Variants in PRRX2 observed in about 807,000 individuals in gnomAD.
The protein encoded by PRRX2 is paired mesoderm homeobox protein 2.
PRRX2 carries 11 observed loss-of-function variants against 18.0 expected under a neutral mutation model. That is an observed-to-expected ratio of 0.61 (90% CI 0.39 to 1.01). The LOEUF is 1.01. Among genes scored for constraint, PRRX2 ranks in the 50% least tolerant of loss-of-function variants. PRRX2 has a pLI of 0.01. For synonymous variants in PRRX2, 177 were observed against 154.8 expected (o/e 1.14, Z -1.06); for missense variants, 387 against 351.0 (o/e 1.10, Z -0.82).
chr9:129,686,636 T>G (rs553736192), intron 1 of PRRX2, among the ~76,000 whole-genome samples: 51 of 152,252 alleles, frequency 3.3e-4, no homozygotes, highest in African/African-American at 1.2e-3. Flanking sequence ...CTCAGCCTCC[T>G]AAAGCACTGG....
At chr9:129,666,181 C>T (rs1832019286) in intron 1 of PRRX2, 55 bp downstream of exon 1, 6 of 868,778 alleles carry the variant, frequency 6.9e-6, no homozygotes, top group Non-Finnish European at 8.3e-6. Flanking sequence ...GGGCCGGGGC[C>T]GGGGCGCGGG....
chr9:129,720,698 A>G lies in PRRX2; in HGVS notation c.550A>G (p.Ile184Val), dbSNP rs765923715. Residue 184 changes from isoleucine to valine, a missense_variant, in exon 3 of 4, where the codon ATC (isoleucine) becomes GTC (valine). Transcript: ENST00000372469. ...LLKSYSQEAA[I>V]EQPVAPRPTA... Reference sequence around the variant, plus strand: ...CAAGTCCTACAGCCAGGAGGCCGCCATCGAGCAGCCCGTGGCTCCCCGGCC... The same window carrying G: ...CAAGTCCTACAGCCAGGAGGCCGCCGTCGAGCAGCCCGTGGCTCCCCGGCC... 2.5e-6 allele frequency: 4 copies of G among 1,613,276 alleles called. No homozygotes were observed. Among genetic ancestry groups the G allele is most frequent in the Non-Finnish European group, 3.4e-6 (4 of 1,179,798 alleles).
intron 1 of PRRX2, among the ~76,000 whole-genome samples, chr9:129,717,359 C>T (rs962783921): frequency 6.6e-6 from 1 of 152,066 alleles, no homozygotes; most frequent in South Asian, 2.1e-4. Context: ...TGTGAGCCAC[C>T]GCGCCTGGCC....
chr9:129,694,885 G>C (rs1323607104), intron 1 of PRRX2, among the ~76,000 whole-genome samples: 2 of 152,052 alleles, frequency 1.3e-5, no homozygotes, highest in Non-Finnish European at 2.9e-5. Context: ...TCCAACGAAG[G>C]CTTCATGGCT....
chr9:129,701,659 C>T (rs1832498631), intron 1 of PRRX2, among the ~76,000 whole-genome samples: 1 of 152,196 alleles, frequency 6.6e-6, no homozygotes, highest in Non-Finnish European at 1.5e-5. Flanking sequence ...TTAATCCATG[C>T]CCCATCCAAA....
chr9:129,717,695 C>CAAAAAAA (rs568330077), intron 1 of PRRX2, among the ~76,000 whole-genome samples: 11 of 82,438 alleles, frequency 1.3e-4, no homozygotes, highest in Non-Finnish European at 2.1e-4. Context: ...GACTCCGCCT[C>CAAAAAAA]AAAAAAAAAA....
At chr9:129,677,963 T>TC (rs1292238004) in intron 1 of PRRX2, among the ~76,000 whole-genome samples, 69 of 138,576 alleles carry the variant, frequency 5.0e-4, no homozygotes, top group African/African-American at 1.7e-3. Flanking sequence ...TCTTTCTTTT[T>TC]TTTTTTTTTT....
intron 1 of PRRX2, among the ~76,000 whole-genome samples, chr9:129,706,540 G>A (rs938379642): frequency 1.3e-5 from 2 of 151,862 alleles, no homozygotes; most frequent in Admixed American, 1.3e-4. Flanking sequence ...TCCAGCCTGG[G>A]CGACAGAGTG....
At chr9:129,701,338 C>T (rs1318998457) in intron 1 of PRRX2, among the ~76,000 whole-genome samples, 1 of 152,226 alleles carries the variant, frequency 6.6e-6, no homozygotes, top group East Asian at 1.9e-4. Flanking sequence ...GTCACCAACG[C>T]GATAGCTGAT....
At position 129,675,029 on chromosome 9, in the gene PRRX2, T is replaced by C. The variant is rs1313582395; in HGVS notation, c.259+8903T>C. On this transcript the variant is annotated intron_variant, in intron 1 of 3. Transcript: ENST00000372469. This position sits in a 1 kb window ranked among gnomAD's most constrained non-coding sequence, Gnocchi z 4.4. The stretch of plus-strand genomic sequence containing the variant: ...TGCGGGCTCCTTCCAGAGCTGACTC[T>C]GCCTCCATTACCCTCCTCAGTTTAC... Among the ~76,000 whole-genome samples, 1 of 152,150 alleles carries C rather than the reference T, an allele frequency of 6.6e-6. No individual in the cohort carries two copies. The highest frequency in any genetic ancestry group is 6.5e-5 in the Admixed American group (1 of 15,288).
At chr9:129,718,943 A>T (rs1332774915) in intron 1 of PRRX2, among the ~76,000 whole-genome samples, 1 of 152,010 alleles carries the variant, frequency 6.6e-6, no homozygotes, top group Admixed American at 6.6e-5. Flanking sequence ...GTCCCATCTC[A>T]GTTGGCTCAG....
intron 1 of PRRX2, among the ~76,000 whole-genome samples, chr9:129,705,651 G>A (rs970222449): frequency 6.6e-6 from 1 of 151,866 alleles, no homozygotes; most frequent in East Asian, 2.0e-4. Flanking sequence ...CACTGTGCCT[G>A]GCCCTGAAGA....
intron 3 of PRRX2, 109 bp from the exon 4 acceptor site, chr9:129,722,108 C>T (rs1832800249): frequency 1.4e-6 from 2 of 1,475,302 alleles, no homozygotes; most frequent in Non-Finnish European, 1.8e-6. Context: ...TGAAGGCTGC[C>T]CAGGAGAGCA....
intron 1 of PRRX2, among the ~76,000 whole-genome samples, chr9:129,708,715 C>T (rs944262052): frequency 6.6e-6 from 1 of 152,100 alleles, no homozygotes; most frequent in Non-Finnish European, 1.5e-5. Context: ...TTTTTGATGT[C>T]ACATCTAACA....
chr9:129,696,483 G>T (rs1588168904), intron 1 of PRRX2, among the ~76,000 whole-genome samples: 1 of 152,180 alleles, frequency 6.6e-6, no homozygotes, highest in East Asian at 1.9e-4. Context: ...GCTCAGGTGG[G>T]AGGATCGCTT....
At chr9:129,710,480 T>C (rs1375226822) in intron 1 of PRRX2, among the ~76,000 whole-genome samples, 1 of 152,168 alleles carries the variant, frequency 6.6e-6, no homozygotes, top group Non-Finnish European at 1.5e-5. Context: ...ACACCTGTAA[T>C]CCCAGCACTT....
rs557951499 is a variant in PRRX2 at position 129,719,081 on chromosome 9, C to A, written c.260-150C>A. The A allele has an allele frequency of 8.1e-5, 60 of 737,084 alleles. No individual in the cohort carries two copies. In the Admixed American group the frequency reaches 1.2e-3, roughly 15 times the overall value. The allele number at this position is 737,084 out of a possible 1,614,324, so 45.7% of individuals were successfully genotyped here. On this transcript the variant is annotated intron_variant, in intron 1 of 3. Coordinates refer to ENST00000372469, the MANE Select transcript of PRRX2 (RefSeq NM_016307.4). ...TGAAGAGTGAATGGATGGGTGGATG[C>A]CAGAAGGAAGGAATGAGGGAGTGAA...
intron 1 of PRRX2, among the ~76,000 whole-genome samples, chr9:129,672,400 G>A (rs1265046414): frequency 6.6e-6 from 1 of 152,152 alleles, no homozygotes. Context: ...TATGAAGAGG[G>A]AAACTGAGGT....
intron 1 of PRRX2, among the ~76,000 whole-genome samples, chr9:129,672,196 A>G (rs1336518398): frequency 6.6e-6 from 1 of 152,112 alleles, no homozygotes. Context: ...ACAGCAGTGT[A>G]CCACCCTGGG....
Sources: allele counts gnomAD v4.1 joint callset (sites outside exome capture counted in the v4.1 genomes callset), GRCh38; gene constraint gnomAD v4.1.1; non-coding constraint Gnocchi (gnomAD v3.1); transcripts MANE v1.5; gene names NCBI Gene and HGNC (gene_info 2026-07-23, HGNC 2026-07-21).